Variants in COL21A1 observed in about 807,000 individuals in gnomAD.
COL21A1 encodes collagen alpha-1(XXI) chain.
Under a neutral mutation model 137.9 loss-of-function variants are expected in COL21A1, and 149 were observed. That is an observed-to-expected ratio of 1.08 (90% CI 0.95 to 1.24). The LOEUF (loss-of-function observed/expected upper bound fraction) is 1.24. COL21A1 is among the 50% of genes most tolerant of loss of function. The pLI, the probability that COL21A1 is intolerant of heterozygous loss-of-function variation, is 0.00. For missense variants in COL21A1, 1,167 were observed against 1,158.4 expected, an observed-to-expected ratio of 1.01 and a Z score of -0.11; for synonymous variants, 456 against 391.5, an observed-to-expected ratio of 1.16 and a Z score of -1.95.
intron 1 of COL21A1, among the ~76,000 whole-genome samples, chr6:56,264,426 TC>T (rs1258633816): frequency 2.6e-5 from 4 of 152,170 alleles, no homozygotes; most frequent in Non-Finnish European, 5.9e-5. Flanking sequence ...TCCTTCTCAT[TC>T]CCTTTGGGAT....
At chr6:56,374,704 G>C (rs2093996091) in intron 1 of COL21A1, among the ~76,000 whole-genome samples, 1 of 124,418 alleles carries the variant, frequency 8.0e-6, no homozygotes, top group Non-Finnish European at 1.6e-5. Flanking sequence ...CCTTGTGACA[G>C]AGTGAGACTT....
chr6:56,313,361 A>T (rs1343762693), intron 1 of COL21A1, among the ~76,000 whole-genome samples: 1 of 152,116 alleles, frequency 6.6e-6, no homozygotes, highest in African/African-American at 2.4e-5. Context: ...AACCTATCTC[A>T]GCTTGGGCTG....
intron 23 of COL21A1, among the ~76,000 whole-genome samples, chr6:56,066,257 A>G (rs1018223650): frequency 5.3e-5 from 8 of 151,994 alleles, no homozygotes; most frequent in African/African-American, 1.9e-4. Flanking sequence ...CTAAAAAACA[A>G]CTGAATTTTG....
intron 29 of COL21A1, among the ~76,000 whole-genome samples, chr6:56,058,444 G>A (rs1765517548): frequency 6.6e-6 from 1 of 152,104 alleles, no homozygotes; most frequent in East Asian, 1.9e-4. Context: ...GCCTTTTAAA[G>A]TTGATTCAAA....
At chr6:56,392,657 G>T (rs2094032014) in intron 1 of COL21A1, among the ~76,000 whole-genome samples, 1 of 151,980 alleles carries the variant, frequency 6.6e-6, no homozygotes, top group Non-Finnish European at 1.5e-5. Flanking sequence ...AAATTTGCAG[G>T]ATACAAAATA....
intron 1 of COL21A1, among the ~76,000 whole-genome samples, chr6:56,238,527 G>C (rs940887313): frequency 1.3e-5 from 2 of 150,764 alleles, no homozygotes; most frequent in African/African-American, 4.9e-5. Context: ...GATACCCTCA[G>C]TCTCACCCAA....
rs1769602271 is a variant in COL21A1, at chr6:56,097,915, A to ATG, written c.1812+3556_1812+3557insCA. On this transcript the variant is annotated intron_variant, in intron 17 of 29. Transcript: ENST00000244728. The stretch of plus-strand genomic sequence containing the variant: ...TATAAATATATAAATATATAAATAT[A>ATG]TATAAATATATAAATATATAAAAAT... Among the ~76,000 whole-genome samples the ATG allele has an allele frequency of 7.8e-5, 8 of 102,256 alleles. 1 individual carries two copies. Among genetic ancestry groups the ATG allele is most frequent in the Admixed American group, 2.9e-4 (2 of 6,792 alleles). 67.1% of individuals were successfully genotyped at this position (102,256 alleles called of 152,430 possible). A position where few individuals can be genotyped will look rare whatever the true frequency, so the allele number is the denominator to read the frequency against.
intron 1 of COL21A1, among the ~76,000 whole-genome samples, chr6:56,207,732 A>G (rs901554158): frequency 6.6e-6 from 1 of 152,206 alleles, no homozygotes; most frequent in South Asian, 2.1e-4. Flanking sequence ...ACACAACAAA[A>G]AAAGAAAATT....
intron 1 of COL21A1, among the ~76,000 whole-genome samples, chr6:56,215,853 T>C (rs1487921507): frequency 6.6e-6 from 1 of 152,102 alleles, no homozygotes; most frequent in East Asian, 1.9e-4. Context: ...ATACTTATAA[T>C]GCATTATCTG....
At chr6:56,335,025 A>T (rs1394844168) in intron 1 of COL21A1, among the ~76,000 whole-genome samples, 2 of 152,150 alleles carry the variant, frequency 1.3e-5, no homozygotes, top group Non-Finnish European at 1.5e-5. Context: ...TGGTATTGTT[A>T]TAGCAGCAGG....
chr6:56,080,752 T>C (rs1389620708), intron 17 of COL21A1, among the ~76,000 whole-genome samples: 1 of 151,882 alleles, frequency 6.6e-6, no homozygotes, highest in East Asian at 1.9e-4. Flanking sequence ...TATCCAGTTA[T>C]CAAAATATCA....
intron 10 of COL21A1, among the ~76,000 whole-genome samples, chr6:56,143,016 C>T (rs1361807604): frequency 3.3e-5 from 5 of 152,054 alleles, no homozygotes; most frequent in Admixed American, 2.0e-4. Flanking sequence ...CATCACAATT[C>T]CCTGTTTTTC....
At chr6:56,353,744 A>G (rs1581766526) in intron 1 of COL21A1, among the ~76,000 whole-genome samples, 1 of 152,336 alleles carries the variant, frequency 6.6e-6, no homozygotes, top group East Asian at 1.9e-4. Context: ...CCAATAGAAT[A>G]AAAGACAAAG....
intron 10 of COL21A1, among the ~76,000 whole-genome samples, chr6:56,147,467 G>T (rs995309601): frequency 1.3e-5 from 2 of 151,570 alleles, no homozygotes; most frequent in African/African-American, 4.8e-5. Flanking sequence ...ACTGAGTGAG[G>T]AACAGAATAA....
At chr6:56,061,742 T>C in intron 24 of COL21A1, 61 bp from the exon 25 acceptor site, 2 of 1,117,698 alleles carry the variant, frequency 1.8e-6, no homozygotes, top group Non-Finnish European at 1.3e-6. Flanking sequence ...TAATGTGGCA[T>C]CCACCTTTTA....
chr6:56,177,666 C>A (rs1777592231), intron 3 of COL21A1, among the ~76,000 whole-genome samples: 1 of 151,714 alleles, frequency 6.6e-6, no homozygotes, highest in African/African-American at 2.4e-5. Flanking sequence ...GTGGTGGGCG[C>A]CTGTAGTCCC....
chr6:56,357,964 TA>T (rs1215077931), intron 1 of COL21A1, among the ~76,000 whole-genome samples: 1 of 152,194 alleles, frequency 6.6e-6, no homozygotes, highest in Non-Finnish European at 1.5e-5. Flanking sequence ...CGTTTAGAAA[TA>T]CCTCAATTTC....
At chr6:56,352,559 G>GCAGTT (rs1238446695) in intron 1 of COL21A1, among the ~76,000 whole-genome samples, 2 of 151,842 alleles carry the variant, frequency 1.3e-5, no homozygotes, top group Non-Finnish European at 2.9e-5. Context: ...AAGAAAAAAT[G>GCAGTT]CAGTTGAAGA....
intron 1 of COL21A1, among the ~76,000 whole-genome samples, chr6:56,327,438 A>T (rs1765121811): frequency 6.6e-6 from 1 of 152,094 alleles, no homozygotes; most frequent in Admixed American, 6.6e-5. Context: ...TTTTGACAGC[A>T]GAATAAAAGT....
Sources: allele counts gnomAD v4.1 joint callset (sites outside exome capture counted in the v4.1 genomes callset), GRCh38; gene constraint gnomAD v4.1.1; transcripts MANE v1.5; gene names NCBI Gene and HGNC (gene_info 2026-07-23, HGNC 2026-07-21).